PRPSAP2: variants seen among roughly 807,000 people sequenced by gnomAD.
The protein encoded by PRPSAP2 is phosphoribosyl pyrophosphate synthetase associated protein 2, also known as phosphoribosyl pyrophosphate synthase-associated protein 2.
PRPSAP2 carries 24 observed loss-of-function variants against 40.6 expected under a neutral mutation model. That is an observed-to-expected ratio of 0.59 (90% CI 0.43 to 0.83). The LOEUF (loss-of-function observed/expected upper bound fraction) is 0.83. Ranked by LOEUF, PRPSAP2 falls within the 40% of genes least tolerant of loss-of-function variation. The pLI, the probability that PRPSAP2 is intolerant of heterozygous loss-of-function variation, is 0.00. For synonymous variants in PRPSAP2, 149 were observed against 164.7 expected (o/e 0.90, Z 0.73); for missense variants, 292 against 465.6 (o/e 0.63, Z 3.43).
intron 1 of PRPSAP2, chr17:18,860,761 T>A (rs2036946925): frequency 6.6e-6 from 1 of 152,212 alleles, no homozygotes; most frequent in Non-Finnish European, 1.5e-5. Context: ...ATCTGAAATG[T>A]GGGTGAGTGG....
chr17:18,893,770 A>G (rs1418188950), intron 8 of PRPSAP2, among the ~76,000 whole-genome samples: 1 of 152,164 alleles, frequency 6.6e-6, no homozygotes, highest in Non-Finnish European at 1.5e-5. Flanking sequence ...CATGTTGGCC[A>G]GACTGGTCTC....
At chr17:18,864,055 T>C (rs1252860839) in intron 1 of PRPSAP2, among the ~76,000 whole-genome samples, 1 of 151,666 alleles carries the variant, frequency 6.6e-6, no homozygotes, top group Non-Finnish European at 1.5e-5. Flanking sequence ...GGTTTCACCA[T>C]GTTGGTCAGG....
intron 6 of PRPSAP2, among the ~76,000 whole-genome samples, chr17:18,882,081 C>T (rs1430727500): frequency 7.0e-6 from 1 of 142,802 alleles, no homozygotes; most frequent in African/African-American, 2.6e-5. Context: ...CCTTGTGATC[C>T]ACCCACCTCG....
intron 8 of PRPSAP2, among the ~76,000 whole-genome samples, chr17:18,896,132 T>C (rs991827840): frequency 2.0e-5 from 3 of 152,214 alleles, no homozygotes; most frequent in Non-Finnish European, 4.4e-5. Context: ...TTTTAAATTA[T>C]GTAATGTGAA....
intron 10 of PRPSAP2, among the ~76,000 whole-genome samples, chr17:18,924,550 C>T (rs2041867357): frequency 6.6e-6 from 1 of 151,922 alleles, no homozygotes; most frequent in African/African-American, 2.4e-5. Context: ...AGGCCAATCG[C>T]TTGGGCTCAG....
At chr17:18,892,999 T>C (rs1237591485) in intron 8 of PRPSAP2, among the ~76,000 whole-genome samples, 1 of 152,114 alleles carries the variant, frequency 6.6e-6, no homozygotes, top group East Asian at 1.9e-4. Flanking sequence ...GTCTTTTTGT[T>C]GAGTTATAAG....
At chr17:18,887,758 G>GCT (rs1406031195) in intron 7 of PRPSAP2, among the ~76,000 whole-genome samples, 2 of 151,804 alleles carry the variant, frequency 1.3e-5, no homozygotes, top group African/African-American at 4.8e-5. Flanking sequence ...AAGCCAGCCA[G>GCT]CTACTGGGTT....
At position 18,872,896 on chromosome 17, in the gene PRPSAP2, G is replaced by T. The variant is rs1475379592; in HGVS notation, c.239+247G>T. 2.0e-5 allele frequency among the ~76,000 whole-genome samples: 3 copies of T among 151,502 alleles called. No homozygotes were observed. In the East Asian group the frequency reaches 5.8e-4, roughly 29 times the overall value. ...CCCACTCCTTCACCCAGGCTGGAGT[G>T]CAGTGGTGCAATCTCAGCTCACTGT... On this transcript the variant is annotated intron_variant, in intron 5 of 11. Coordinates refer to ENST00000268835, the MANE Select transcript of PRPSAP2 (RefSeq NM_002767.4).
chr17:18,918,253 G>A (rs989279292), intron 9 of PRPSAP2, among the ~76,000 whole-genome samples: 1 of 152,160 alleles, frequency 6.6e-6, no homozygotes, highest in Non-Finnish European at 1.5e-5. Flanking sequence ...TCACTTATCA[G>A]CTGTGTGTTC....
intron 9 of PRPSAP2, 129 bp from the exon 10 acceptor site, chr17:18,923,785 A>G: frequency 1.2e-6 from 1 of 854,850 alleles, no homozygotes; most frequent in South Asian, 2.1e-5. Flanking sequence ...GTTGCCCTTA[A>G]TCAGATTGAG....
chr17:18,857,125 G>A (rs2036633299), upstream of PRPSAP2, among the ~76,000 whole-genome samples: 1 of 152,100 alleles, frequency 6.6e-6, no homozygotes, highest in Non-Finnish European at 1.5e-5. Context: ...CTTGAGGTCA[G>A]GAGTTTGAGA....
At chr17:18,869,503 A>AT (rs553779100) in intron 4 of PRPSAP2, among the ~76,000 whole-genome samples, 16,395 of 128,420 alleles carry the variant, frequency 0.13, 1,434 homozygotes, top group East Asian at 0.45. Context: ...CTGCCAGGCT[A>AT]TTTTTTTTTT....
intron 1 of PRPSAP2, among the ~76,000 whole-genome samples, chr17:18,863,339 C>G (rs1457827576): frequency 1.3e-5 from 2 of 151,992 alleles, no homozygotes; most frequent in East Asian, 3.9e-4. Context: ...AGTCAGCCCA[C>G]CTTGGCCTCA....
At chr17:18,893,391 C>T (rs970151458) in intron 8 of PRPSAP2, among the ~76,000 whole-genome samples, 13 of 151,482 alleles carry the variant, frequency 8.6e-5, no homozygotes, top group Admixed American at 4.0e-4. Flanking sequence ...CCTCGTGATC[C>T]GCCTGCCTTG....
intron 7 of PRPSAP2, among the ~76,000 whole-genome samples, chr17:18,887,365 A>G (rs8071147): frequency 0.53 from 80,282 of 151,854 alleles, 21,481 homozygotes; most frequent in Middle Eastern, 0.6. Flanking sequence ...CTCCTGAGTA[A>G]CTGGATTACA....
intron 7 of PRPSAP2, among the ~76,000 whole-genome samples, chr17:18,885,819 TCAGGTGATCTGC>T (rs1893895851): frequency 6.6e-6 from 1 of 152,182 alleles, no homozygotes; most frequent in Non-Finnish European, 1.5e-5. Flanking sequence ...ACTCCTGACC[TCAGGTGATCTGC>T]CCACCTTGGC....
intron 10 of PRPSAP2, 23 bp downstream of exon 10, chr17:18,924,007 T>A (rs1399066641): frequency 5.7e-6 from 9 of 1,575,834 alleles, no homozygotes; most frequent in Non-Finnish European, 7.8e-6. Context: ...CTTTTATTAT[T>A]AATTCTAGTA....
At chr17:18,915,025 C>CTTTT (rs35684867) in intron 9 of PRPSAP2, among the ~76,000 whole-genome samples, 1 of 130,196 alleles carries the variant, frequency 7.7e-6, no homozygotes, top group Non-Finnish European at 1.6e-5. Context: ...TGCACCCGAC[C>CTTTT]TTTTTTTTTT....
intron 8 of PRPSAP2, among the ~76,000 whole-genome samples, chr17:18,893,371 G>A (rs923515516): frequency 7.9e-5 from 12 of 151,324 alleles, no homozygotes; most frequent in South Asian, 4.2e-4. Flanking sequence ...GGCTGGTCTC[G>A]AACTCTTGAC....
Sources: gnomAD v4.1 joint callset for allele counts (sites outside exome capture counted in the v4.1 genomes callset) on GRCh38, gnomAD v4.1.1 for gene constraint, MANE v1.5 for transcripts, NCBI Gene and HGNC (gene_info 2026-07-23, HGNC 2026-07-21) for gene names.